Variants in MTHFD2L observed in about 807,000 individuals in gnomAD.
MTHFD2L encodes methylenetetrahydrofolate dehydrogenase (NADP+ dependent) 2 like, also known as bifunctional methylenetetrahydrofolate dehydrogenase/cyclohydrolase 2, mitochondrial.
MTHFD2L carries 29 observed loss-of-function variants against 34.9 expected under a neutral mutation model. The observed-to-expected ratio is 0.83, with a 90% CI of 0.62 to 1.13. MTHFD2L has a LOEUF of 1.13. MTHFD2L is among the 50% of genes most tolerant of loss of function. MTHFD2L has a pLI of 0.00. For missense variants in MTHFD2L, 481 were observed against 446.5 expected (o/e 1.08, Z -0.70); for synonymous variants, 167 against 155.7 (o/e 1.07, Z -0.54).
chr4:74,217,883 G>A (rs1737460253), intron 5 of MTHFD2L, among the ~76,000 whole-genome samples: 1 of 152,016 alleles, frequency 6.6e-6, no homozygotes, highest in Admixed American at 6.6e-5. Context: ...TATTTAAAGG[G>A]GAATTGAAGC....
Position 74,158,146 on chromosome 4 carries a change from T to TGCCGGTCCGCGGCTTCTC in MTHFD2L, c.11_28dup (p.Pro4_Ser9dup). The TGCCGGTCCGCGGCTTCTC allele has an allele frequency of 6.5e-7, 1 of 1,530,894 alleles. No individual in the cohort carries two copies. The highest frequency in any genetic ancestry group is 1.4e-5 in the African/African-American group (1 of 72,888). The allele number at this position is 1,530,894 out of a possible 1,614,324, so 94.8% of individuals were successfully genotyped here. ...AGCCGGGGATCCGCGGCCATGACGG[T>TGCCGGTCCGCGGCTTCTC]GCCGGTCCGCGGCTTCTCGCTGCTC... On this transcript the variant is annotated inframe_insertion, in exon 1 of 8. Transcript: ENST00000325278.
chr4:74,291,080 C>T (rs557157927), intron 7 of MTHFD2L, among the ~76,000 whole-genome samples: 7 of 117,848 alleles, frequency 5.9e-5, no homozygotes, highest in Non-Finnish European at 1.6e-5. Flanking sequence ...TGCAGTGGTG[C>T]GATCTTGGCT....
intron 6 of MTHFD2L, among the ~76,000 whole-genome samples, chr4:74,231,475 A>G (rs1480179267): frequency 1.3e-5 from 2 of 152,086 alleles, no homozygotes; most frequent in East Asian, 3.9e-4. Context: ...AGCACATTTC[A>G]TGGCTTCACT....
chr4:74,180,722 G>A lies in MTHFD2L; in HGVS notation c.451+5319G>A, dbSNP rs535846088. 3.5e-4 allele frequency: 158 copies of A among 453,008 alleles called. 2 individuals carry two copies. Among genetic ancestry groups the A allele is most frequent in the South Asian group, 1.7e-3 (110 of 64,152 alleles). 28.1% of individuals were successfully genotyped at this position (453,008 alleles called of 1,614,324 possible). On this transcript the variant is annotated intron_variant, in intron 3 of 7. Coordinates refer to ENST00000325278, the MANE Select transcript of MTHFD2L (RefSeq NM_001144978.3). ...ACTTTGTTCAGGATTTGAAATGCTC[G>A]GGATATAAGAGTACACAGGCTTGCT... is the stretch of plus-strand genomic sequence containing the variant.
chr4:74,135,619 A>G (rs932223343), intron 1 of MTHFD2L, among the ~76,000 whole-genome samples: 6 of 152,166 alleles, frequency 3.9e-5, no homozygotes, highest in African/African-American at 1.4e-4. Context: ...AAACGATTAA[A>G]GAGGAGAGAG....
intron 6 of MTHFD2L, among the ~76,000 whole-genome samples, chr4:74,245,570 G>C (rs1053341842): frequency 5.3e-5 from 8 of 151,972 alleles, no homozygotes; most frequent in Non-Finnish European, 1.0e-4. Flanking sequence ...CTGGTGTGCT[G>C]CACCCATTAA....
At chr4:74,215,639 T>C (rs922658957) in intron 5 of MTHFD2L, among the ~76,000 whole-genome samples, 7 of 151,760 alleles carry the variant, frequency 4.6e-5, no homozygotes, top group African/African-American at 1.5e-4. Flanking sequence ...CTGCTCCTAT[T>C]TGGCCATCTT....
chr4:74,201,298 G>T lies in MTHFD2L; in HGVS notation c.640G>T (p.Gly214Ter). Residue 214 changes from glycine to a stop codon, truncating the protein, a stop_gained, in exon 5 of 8, where the codon GGA becomes TGA. Transcript: ENST00000325278. LOFTEE classifies it high-confidence loss of function. ...ATTTGGAAAAAATGTGGTTGTGGCT[G>T]GAAGATCCAAGAACGTAGGGATGCC... ...QTFGKNVVVAGRSKNVGMPIA... is the reference protein window; with the variant it reads ...QTFGKNVVVA 1 of 1,613,562 alleles carries T rather than the reference G, an allele frequency of 6.2e-7. No individual in the cohort carries two copies. Among genetic ancestry groups the T allele is most frequent in the Non-Finnish European group, 8.5e-7 (1 of 1,179,714 alleles).
intron 6 of MTHFD2L, among the ~76,000 whole-genome samples, chr4:74,270,668 T>A (rs1476810973): frequency 1.3e-5 from 2 of 152,332 alleles, no homozygotes; most frequent in Middle Eastern, 3.4e-3. Context: ...TGATTTATAA[T>A]CCTTTGGGTA....
At chr4:74,189,026 AGGACGGAGAAT>A (rs1731952697) in intron 3 of MTHFD2L, among the ~76,000 whole-genome samples, 2 of 152,180 alleles carry the variant, frequency 1.3e-5, no homozygotes, top group South Asian at 4.1e-4. Flanking sequence ...TGTTTGGAGC[AGGACGGAGAAT>A]GGACTAATTG....
intron 1 of MTHFD2L, among the ~76,000 whole-genome samples, chr4:74,173,275 GC>G (rs1442306624): frequency 6.6e-6 from 1 of 152,120 alleles, no homozygotes; most frequent in Non-Finnish European, 1.5e-5. Context: ...GAGCAGAAAA[GC>G]CTTTCTAGAA....
intron 6 of MTHFD2L, among the ~76,000 whole-genome samples, chr4:74,266,622 C>T (rs1745314291): frequency 6.6e-6 from 1 of 152,170 alleles, no homozygotes; most frequent in South Asian, 2.1e-4. Flanking sequence ...TAAGCTCTCA[C>T]CACTTCTCCA....
intron 6 of MTHFD2L, among the ~76,000 whole-genome samples, chr4:74,230,084 G>A (rs764201612): frequency 1.2e-4 from 19 of 152,070 alleles, no homozygotes; most frequent in Non-Finnish European, 2.1e-4. Context: ...ATATTTAGCC[G>A]ATATAATCTA....
At chr4:74,121,137 CAA>C (rs1166856338), upstream of MTHFD2L, among the ~76,000 whole-genome samples, 1 of 152,104 alleles carries the variant, frequency 6.6e-6, no homozygotes, top group Non-Finnish European at 1.5e-5. Context: ...TCTCAGCTTT[CAA>C]AAGAGTTTAA....
At chr4:74,259,332 T>G (rs552246234) in intron 6 of MTHFD2L, among the ~76,000 whole-genome samples, 1 of 152,170 alleles carries the variant, frequency 6.6e-6, no homozygotes, top group East Asian at 1.9e-4. Flanking sequence ...GTCAATCATG[T>G]TGGGTCTAAT....
At chr4:74,260,365 G>T (rs1333168578) in intron 6 of MTHFD2L, among the ~76,000 whole-genome samples, 1 of 152,070 alleles carries the variant, frequency 6.6e-6, no homozygotes, top group Non-Finnish European at 1.5e-5. Flanking sequence ...TTTGGAGTAT[G>T]CTGACCTACT....
At chr4:74,270,100 A>T (rs946865587) in intron 6 of MTHFD2L, among the ~76,000 whole-genome samples, 1 of 152,044 alleles carries the variant, frequency 6.6e-6, no homozygotes, top group Non-Finnish European at 1.5e-5. Context: ...AAATAGAAAG[A>T]TAAAGGTTAG....
chr4:74,236,696 G>A (rs1159632856), intron 6 of MTHFD2L, among the ~76,000 whole-genome samples: 1 of 152,226 alleles, frequency 6.6e-6, no homozygotes, highest in Admixed American at 6.5e-5. Flanking sequence ...ATAGAGAGTG[G>A]TGCGTAACGC....
chr4:74,291,924 C>T (rs1425163646), intron 7 of MTHFD2L, among the ~76,000 whole-genome samples: 1 of 152,154 alleles, frequency 6.6e-6, no homozygotes, highest in Non-Finnish European at 1.5e-5. Context: ...CTACATTTTG[C>T]ATTAGATAAT....
Sources: gnomAD v4.1 joint callset for allele counts (sites outside exome capture counted in the v4.1 genomes callset) on GRCh38, gnomAD v4.1.1 for gene constraint, MANE v1.5 for transcripts, NCBI Gene and HGNC (gene_info 2026-07-23, HGNC 2026-07-21) for gene names.